CIROZ: variants seen among roughly 807,000 people sequenced by gnomAD.
CIROZ encodes the protein ciliated left-right organizer protein containing ZP-N domains.
At chr1:10,954,230 C>T in the CIROZ span, 25 of 1,412,634 alleles carry the variant, frequency 1.8e-5, no homozygotes, top group Non-Finnish European at 2.1e-5. Flanking sequence ...CTGAGGCAGG[C>T]GGATCATGAG....
the CIROZ span, chr1:10,948,185 C>T: frequency 6.2e-7 from 1 of 1,613,866 alleles, no homozygotes; most frequent in Admixed American, 1.7e-5. Flanking sequence ...CCTCTATGTC[C>T]TGGCTTGGTT....
At chr1:10,970,128 G>A in the CIROZ span, 5 of 1,470,370 alleles carry the variant, frequency 3.4e-6, no homozygotes, top group East Asian at 2.5e-5. Flanking sequence ...AGGTGGGGAA[G>A]GGAGGGAGGA....
the CIROZ span, among the ~76,000 whole-genome samples, chr1:10,980,345 G>A: frequency 5.9e-5 from 9 of 152,234 alleles, no homozygotes; most frequent in Non-Finnish European, 1.3e-4. Flanking sequence ...CGCTTCATTC[G>A]CTGAATTCAG....
chr1:10,970,943 G>A, the CIROZ span, among the ~76,000 whole-genome samples: 2 of 149,008 alleles, frequency 1.3e-5, no homozygotes, highest in East Asian at 4.1e-4. Context: ...TCAGAAGTTC[G>A]AGACCAGCCT....
chr1:10,966,688 A>C, the CIROZ span, among the ~76,000 whole-genome samples: 4 of 152,220 alleles, frequency 2.6e-5, no homozygotes, highest in African/African-American at 4.8e-5. Context: ...AGGTGTATCC[A>C]GAATCCAACC....
At chr1:10,957,099 G>A in the CIROZ span, 3 of 1,549,430 alleles carry the variant, frequency 1.9e-6, no homozygotes, top group Non-Finnish European at 2.6e-6. Flanking sequence ...CAGCAGAGGT[G>A]TTCAGCACCT....
chr1:10,948,695 G>A, the CIROZ span: 2 of 1,594,324 alleles, frequency 1.3e-6, no homozygotes, highest in Non-Finnish European at 1.7e-6. Flanking sequence ...AGGGGAGCGT[G>A]GCTGGAGGTG....
the CIROZ span, among the ~76,000 whole-genome samples, chr1:10,956,462 T>C: frequency 6.6e-6 from 1 of 151,374 alleles, no homozygotes; most frequent in African/African-American, 2.4e-5. Flanking sequence ...TGCAGGTCTG[T>C]AGTAGATGAT....
the CIROZ span, among the ~76,000 whole-genome samples, chr1:10,967,151 A>G: frequency 1.0e-5 from 1 of 98,460 alleles, no homozygotes; most frequent in Non-Finnish European, 1.8e-5. Context: ...ACTGTCCAAA[A>G]AAAGAAAAAA....
the CIROZ span, among the ~76,000 whole-genome samples, chr1:10,964,738 C>T: frequency 6.6e-6 from 1 of 152,198 alleles, no homozygotes; most frequent in Admixed American, 6.5e-5. Flanking sequence ...TCAAGCAATT[C>T]TTGTGCCTCA....
chr1:10,947,849 G>T, the CIROZ span: 1 of 1,606,276 alleles, frequency 6.2e-7, no homozygotes, highest in Non-Finnish European at 8.5e-7. Flanking sequence ...GAGCCCACAG[G>T]CTCAGGGTTT....
chr1:10,958,587 T>C, the CIROZ span: 1 of 1,126,826 alleles, frequency 8.9e-7, no homozygotes, highest in South Asian at 1.3e-5. Context: ...GAAGAGTCTG[T>C]ACCATCCACG....
the CIROZ span, among the ~76,000 whole-genome samples, chr1:10,970,486 A>G: frequency 6.6e-6 from 1 of 152,034 alleles, no homozygotes; most frequent in Non-Finnish European, 1.5e-5. Flanking sequence ...AAAATTAGCC[A>G]GGCGTGGTGG....
chr1:10,960,841 C>T, the CIROZ span, among the ~76,000 whole-genome samples: 4 of 151,122 alleles, frequency 2.6e-5, no homozygotes, highest in African/African-American at 9.7e-5. This position sits in a 1 kb window ranked among gnomAD's most constrained non-coding sequence, Gnocchi z 4.6. Flanking sequence ...GGTGCAGCCA[C>T]GGAAGTGGCG....
the CIROZ span, among the ~76,000 whole-genome samples, chr1:10,972,447 A>G: frequency 1.6e-4 from 24 of 151,660 alleles, no homozygotes; most frequent in African/African-American, 5.6e-4. Flanking sequence ...ACACACACAC[A>G]CACACACACA....
chr1:10,976,288 T>A, the CIROZ span: 2 of 1,373,746 alleles, frequency 1.5e-6, no homozygotes, highest in Admixed American at 2.0e-5. Flanking sequence ...GGTGGGGACA[T>A]GCACCGCCCA....
chr1:10,963,657 C>T, the CIROZ span, among the ~76,000 whole-genome samples: 1 of 152,120 alleles, frequency 6.6e-6, no homozygotes, highest in Non-Finnish European at 1.5e-5. Context: ...TGGGGCTCAA[C>T]CTTTCTTCCC....
the CIROZ span, among the ~76,000 whole-genome samples, chr1:10,977,844 A>G: frequency 6.6e-6 from 1 of 152,162 alleles, no homozygotes; most frequent in Non-Finnish European, 1.5e-5. Flanking sequence ...AGACACCAGT[A>G]ACCTTTAAAA....
At chr1:10,964,540 A>G in the CIROZ span, among the ~76,000 whole-genome samples, 3 of 152,352 alleles carry the variant, frequency 2.0e-5, no homozygotes, top group East Asian at 5.8e-4. Context: ...GTCAGACAGA[A>G]TAAGAGCTTG....
Sources: allele counts gnomAD v4.1 joint callset (sites outside exome capture counted in the v4.1 genomes callset), GRCh38; gene constraint gnomAD v4.1.1; non-coding constraint Gnocchi (gnomAD v3.1); transcripts MANE v1.5; gene names NCBI Gene and HGNC (gene_info 2026-07-23, HGNC 2026-07-21).